Variants in CDYL observed in about 807,000 individuals in gnomAD.
CDYL encodes the protein chromodomain Y like.
A neutral mutation model predicts 47.3 loss-of-function variants in CDYL; 8 were observed. The observed-to-expected ratio is 0.17, with a 90% CI of 0.10 to 0.31. The LOEUF (loss-of-function observed/expected upper bound fraction) is 0.31. Ranked by LOEUF, CDYL falls within the 10% of genes least tolerant of loss-of-function variation. The pLI, the probability that CDYL is intolerant of heterozygous loss-of-function variation, is 1.00. For synonymous variants in CDYL, 266 were observed against 265.0 expected (o/e 1.00, Z -0.04); for missense variants, 471 against 701.4 (o/e 0.67, Z 3.71).
Position 4,831,489 on chromosome 6 carries a change from G to A in CDYL, c.24+54682G>A, listed in dbSNP as rs550194403. On this transcript the variant is annotated intron_variant, in intron 1 of 6. Transcript: ENST00000397588. Reference sequence around the variant, plus strand: ...CTGTTTTGGTTACTGTAGCCTTGTAGTATAGTTTGACGTCAGGTGGCGTGA... The same window carrying A: ...CTGTTTTGGTTACTGTAGCCTTGTAATATAGTTTGACGTCAGGTGGCGTGA... 1.3e-4 allele frequency among the ~76,000 whole-genome samples: 20 copies of A among 152,290 alleles called. No individual in the cohort carries two copies. The East Asian group carries it at 3.5e-3, about 26-fold the overall frequency.
chr6:4,788,853 G>A (rs1250140697), intron 1 of CDYL, among the ~76,000 whole-genome samples: 1 of 151,984 alleles, frequency 6.6e-6, no homozygotes, highest in Non-Finnish European at 1.5e-5. Flanking sequence ...GATCCCCGCA[G>A]GCTTTGCTCT....
chr6:4,944,406 C>G (rs1758451391), intron 5 of CDYL, among the ~76,000 whole-genome samples: 1 of 152,172 alleles, frequency 6.6e-6, no homozygotes, highest in African/African-American at 2.4e-5. Context: ...GATACTATGC[C>G]CATCATCCTT....
chr6:4,712,361 C>A (rs181590948), intron 1 of CDYL, among the ~76,000 whole-genome samples: 375 of 152,346 alleles, frequency 2.5e-3, no homozygotes, highest in African/African-American at 8.7e-3. Flanking sequence ...TGGATTTCTT[C>A]CTGGGCAAGG....
chr6:4,781,721 C>T (rs1326618196), intron 1 of CDYL, among the ~76,000 whole-genome samples: 3 of 152,074 alleles, frequency 2.0e-5, no homozygotes, highest in Non-Finnish European at 2.9e-5. Context: ...ATTTTAACCA[C>T]GGAGAATATT....
chr6:4,750,762 T>A lies in CDYL; in HGVS notation c.186+15918T>A, dbSNP rs139233541. Among the ~76,000 whole-genome samples, 206 of 152,288 alleles carry A rather than the reference T, an allele frequency of 1.4e-3. 5 individuals carry two copies. In the East Asian group the frequency reaches 0.029, roughly 21 times the overall value. On this transcript the variant is annotated intron_variant, in intron 3 of 8. Coordinates refer to the CDYL transcript ENST00000328908. ...TGTAAGTATATAGACAGGAGTTTGT[T>A]ATCTCATTTAAAAAAAAATCACGCG...
At chr6:4,883,282 C>T (rs1241276727) in intron 1 of CDYL, among the ~76,000 whole-genome samples, 1 of 152,106 alleles carries the variant, frequency 6.6e-6, no homozygotes, top group African/African-American at 2.4e-5. Context: ...CATTCAGAAC[C>T]ACCCCTAGAG....
chr6:4,791,360 A>G (rs571831761), intron 1 of CDYL, among the ~76,000 whole-genome samples: 16 of 152,336 alleles, frequency 1.1e-4, no homozygotes, highest in Admixed American at 2.0e-4. Context: ...TTGATTTACA[A>G]TGTATCATCA....
intron 1 of CDYL, among the ~76,000 whole-genome samples, chr6:4,862,631 G>T (rs955205887): frequency 1.3e-5 from 2 of 152,156 alleles, no homozygotes; most frequent in African/African-American, 4.8e-5. Flanking sequence ...AGCTATTAGT[G>T]TGCTAGGTCT....
At chr6:4,939,944 G>A (rs117543405) in intron 4 of CDYL, among the ~76,000 whole-genome samples, 7 of 152,210 alleles carry the variant, frequency 4.6e-5, no homozygotes, top group Admixed American at 1.3e-4. Context: ...CCGTTTTCCC[G>A]TGTAGGCTTT....
intron 2 of CDYL, among the ~76,000 whole-genome samples, chr6:4,722,648 A>G (rs1757393144): frequency 6.6e-6 from 1 of 152,172 alleles, no homozygotes; most frequent in Non-Finnish European, 1.5e-5. Context: ...AGGCCATGGC[A>G]GGTAGATGGC....
chr6:4,722,285 G>C (rs1036150802), intron 2 of CDYL, among the ~76,000 whole-genome samples: 1 of 152,000 alleles, frequency 6.6e-6, no homozygotes, highest in Non-Finnish European at 1.5e-5. Context: ...AACACAGCAG[G>C]ACCCCATCTC....
At chr6:4,714,600 T>C (rs1757219042) in intron 1 of CDYL, 1 of 152,260 alleles carries the variant, frequency 6.6e-6, no homozygotes, top group Non-Finnish European at 1.5e-5. Flanking sequence ...GCTCCCAGGC[T>C]GCCAGCTTCT....
At chr6:4,743,829 G>A (rs6920511) in intron 3 of CDYL, among the ~76,000 whole-genome samples, 33 of 152,090 alleles carry the variant, frequency 2.2e-4, no homozygotes, top group African/African-American at 8.0e-4. Context: ...TGGCTTGTCA[G>A]ATGTGTAGTA....
intron 3 of CDYL, among the ~76,000 whole-genome samples, chr6:4,765,000 A>C (rs1322037722): frequency 6.6e-6 from 1 of 152,170 alleles, no homozygotes; most frequent in Non-Finnish European, 1.5e-5. Flanking sequence ...GAAATTCTAC[A>C]GATTATATTC....
At chr6:4,896,031 C>T (rs1211720659) in intron 2 of CDYL, among the ~76,000 whole-genome samples, 2 of 152,208 alleles carry the variant, frequency 1.3e-5, no homozygotes, top group South Asian at 2.1e-4. Context: ...ATGATCTCTA[C>T]CCCTCTCTCA....
chr6:4,889,900 C>T (rs572773606), intron 1 of CDYL: 4 of 933,508 alleles, frequency 4.3e-6, no homozygotes, highest in African/African-American at 3.5e-5. Context: ...CCTCTTTGCT[C>T]AATTTCCTGA....
rs143871273 is a variant in CDYL, at chr6:4,735,707, G to A, written c.186+863G>A. Among the ~76,000 whole-genome samples the A allele has an allele frequency of 8.7e-3, 1,328 of 152,120 alleles. 15 individuals are homozygous for A. Among genetic ancestry groups the A allele is most frequent in the African/African-American group, 0.03 (1,247 of 41,484 alleles). On this transcript the variant is annotated intron_variant, in intron 3 of 8. Coordinates refer to the CDYL transcript ENST00000328908. ...CTTGAACCCAGGAGGTGGAGGTTGC[G>A]GCGAGCTGAGATCGCTCCACTGCAC...
chr6:4,822,546 C>G (rs115267399), intron 1 of CDYL, among the ~76,000 whole-genome samples: 9,138 of 152,092 alleles, frequency 0.06, 329 homozygotes, highest in Middle Eastern at 0.11. Context: ...TGGTTGAATA[C>G]CAATAATTTC....
At chr6:4,937,964 A>G (rs1364741896) in intron 4 of CDYL, among the ~76,000 whole-genome samples, 3 of 152,202 alleles carry the variant, frequency 2.0e-5, no homozygotes, top group Non-Finnish European at 4.4e-5. Flanking sequence ...ATGAATTACT[A>G]CTTGCCTTGG....
Sources: gnomAD v4.1 joint callset for allele counts (sites outside exome capture counted in the v4.1 genomes callset) on GRCh38, gnomAD v4.1.1 for gene constraint, MANE v1.5 for transcripts, NCBI Gene and HGNC (gene_info 2026-07-23, HGNC 2026-07-21) for gene names.